Variants in EFHC1 observed in about 807,000 individuals in gnomAD.
EFHC1 encodes EF-hand domain-containing protein 1.
In EFHC1, 53 loss-of-function variants were observed where a neutral mutation model predicts 69.9. The observed-to-expected ratio is 0.76, with a 90% CI of 0.61 to 0.95. The LOEUF (loss-of-function observed/expected upper bound fraction) is 0.95. Among genes scored for constraint, EFHC1 ranks in the 40% least tolerant of loss-of-function variants. The pLI is 0.00. For missense variants in EFHC1, 739 were observed against 798.7 expected (o/e 0.93, Z 0.90); for synonymous variants, 256 against 278.4 (o/e 0.92, Z 0.80).
Position 52,452,697 on chromosome 6 carries a change from G to A in EFHC1, c.583G>A (p.Glu195Lys), listed in dbSNP as rs770971528. The part of the protein sequence containing the change: ...DCDQFTQVFL[E>K]SQGIELNPPE... Reference sequence around the variant, plus strand: ...ACTTTCAATTATTTAGGTATTTTTAGAAAGCCAAGGAATTGAGTTAAATCC... The same window carrying A: ...ACTTTCAATTATTTAGGTATTTTTAAAAAGCCAAGGAATTGAGTTAAATCC... Residue 195 changes from glutamate to lysine, a missense_variant, in exon 4 of 11, where the codon GAA (glutamate) becomes AAA (lysine). Transcript: ENST00000371068. 6.2e-7 allele frequency: 1 copy of A among 1,614,108 alleles called. No homozygotes were observed. The highest frequency in any genetic ancestry group is 8.5e-7 in the Non-Finnish European group (1 of 1,179,996).
At chr6:52,447,078 C>T (rs1245863735) in intron 3 of EFHC1, among the ~76,000 whole-genome samples, 1 of 152,142 alleles carries the variant, frequency 6.6e-6, no homozygotes. Flanking sequence ...TTGTGGCATT[C>T]TCTGTATTTC....
intron 1 of EFHC1, among the ~76,000 whole-genome samples, chr6:52,422,469 T>A (rs1190298368): frequency 1.3e-5 from 2 of 152,220 alleles, no homozygotes; most frequent in African/African-American, 4.8e-5. Flanking sequence ...TTTGTTTTTA[T>A]GGGTTATATA....
In EFHC1 at chr6:52,438,285, C is replaced by T. The variant is rs779297876; in HGVS notation, c.286-19C>T. The T allele has an allele frequency of 1.2e-6, 2 of 1,608,200 alleles. No individual in the cohort carries two copies. Among genetic ancestry groups the T allele is most frequent in the East Asian group, 2.2e-5 (1 of 44,810 alleles). On this transcript the variant is annotated intron_variant, in intron 2 of 10. Coordinates refer to ENST00000371068, the MANE Select transcript of EFHC1 (RefSeq NM_018100.4). Reference sequence around the variant, plus strand: ...ACAAGCTAATAGTACACCATTTCTCCTTTCCTTGTATGTTATAGGTACTGA... The same window carrying T: ...ACAAGCTAATAGTACACCATTTCTCTTTTCCTTGTATGTTATAGGTACTGA...
At chr6:52,442,560 C>T (rs1309048261) in intron 3 of EFHC1, among the ~76,000 whole-genome samples, 1 of 151,898 alleles carries the variant, frequency 6.6e-6, no homozygotes, top group Non-Finnish European at 1.5e-5. Context: ...GTTTTCTGTC[C>T]TTGCGATAGT....
intron 5 of EFHC1, among the ~76,000 whole-genome samples, chr6:52,459,287 G>A (rs1224849777): frequency 6.6e-6 from 1 of 152,174 alleles, no homozygotes; most frequent in Non-Finnish European, 1.5e-5. Flanking sequence ...GAAAGGAAAA[G>A]CTAAAGATTG....
chr6:52,444,909 T>C (rs1285258040), intron 3 of EFHC1, among the ~76,000 whole-genome samples: 1 of 152,148 alleles, frequency 6.6e-6, no homozygotes, highest in Non-Finnish European at 1.5e-5. Context: ...GGTGTGAATC[T>C]GTCTGGTCCT....
In EFHC1 at chr6:52,480,048, C is replaced by G. The variant is rs1048390162; in HGVS notation, c.1640+261C>G. On this transcript the variant is annotated intron_variant, in intron 9 of 10. Transcript: ENST00000371068. ...CAGCCTCCCTCCACAGCTGAAAATTCATGTATAACTTTTGACACCCCAAAA... is the reference window on the plus strand; with the variant it reads ...CAGCCTCCCTCCACAGCTGAAAATTGATGTATAACTTTTGACACCCCAAAA... 57 of 620,410 alleles carry G rather than the reference C, an allele frequency of 9.2e-5. No homozygotes were observed. In the Admixed American group the frequency reaches 1.5e-3, roughly 16 times the overall value. 38.4% of individuals were successfully genotyped at this position (620,410 alleles called of 1,614,324 possible).
rs537910590 is a variant in EFHC1 at position 52,442,727 on chromosome 6, G to A, written c.573+4136G>A. 5.1e-3 allele frequency among the ~76,000 whole-genome samples: 776 copies of A among 152,232 alleles called. 8 individuals are homozygous for A. The highest frequency in any genetic ancestry group is 0.017 in the African/African-American group (721 of 41,528). ...ACATTTGGGTTGGTTCCAAGTCTTTGCTATTGTGAATAGTGCCGCAATAAA... is the reference window on the plus strand; with the variant it reads ...ACATTTGGGTTGGTTCCAAGTCTTTACTATTGTGAATAGTGCCGCAATAAA... On this transcript the variant is annotated intron_variant, in intron 3 of 10. Transcript: ENST00000371068.
At chr6:52,426,946 A>AT (rs1764314564) in intron 2 of EFHC1, among the ~76,000 whole-genome samples, 2 of 152,040 alleles carry the variant, frequency 1.3e-5, no homozygotes, top group African/African-American at 4.8e-5. Context: ...TGATTATGTC[A>AT]TTTTTCTGGG....
In EFHC1 at chr6:52,479,192, A is replaced by C; in HGVS notation, c.1434A>C (p.Thr478=). Reference sequence around the variant, plus strand: ...CTAAAGTTGTTAAACCATACTCTACAGTGGACAACCCTGTCTACTATGGCC... The same window carrying C: ...CTAAAGTTGTTAAACCATACTCTACCGTGGACAACCCTGTCTACTATGGCC... ...GRTKVVKPYS[T]VDNPVYYGPS... The change falls in exon 8 of 11, where the codon ACA becomes ACC. Residue 478 remains threonine, a synonymous_variant. Coordinates refer to ENST00000371068, the MANE Select transcript of EFHC1 (RefSeq NM_018100.4). The C allele has an allele frequency of 6.2e-7, 1 of 1,614,130 alleles. No individual in the cohort carries two copies. Among genetic ancestry groups the C allele is most frequent in the Non-Finnish European group, 8.5e-7 (1 of 1,180,008 alleles).
chr6:52,486,996 G>A (rs1159034021), intron 9 of EFHC1: 1 of 152,006 alleles, frequency 6.6e-6, no homozygotes, highest in Admixed American at 6.6e-5. Flanking sequence ...TCATAATCTA[G>A]AGCAAGGGTT....
At chr6:52,483,257 T>C (rs867239505) in intron 9 of EFHC1, 5 of 160,474 alleles carry the variant, frequency 3.1e-5, no homozygotes, top group African/African-American at 1.2e-4. Flanking sequence ...TACTAAATGG[T>C]GGTAATCGAA....
intron 10 of EFHC1, chr6:52,490,666 G>A (rs1161546776): frequency 1.6e-5 from 9 of 554,442 alleles, no homozygotes; most frequent in Admixed American, 3.2e-5. Flanking sequence ...GAGACTCAAA[G>A]ATAAGTTGAT....
chr6:52,475,119 G>GA (rs1427841317), intron 7 of EFHC1, among the ~76,000 whole-genome samples: 1 of 151,816 alleles, frequency 6.6e-6, no homozygotes, highest in African/African-American at 2.4e-5. Context: ...ATGTGGGCAG[G>GA]AAAAAAGAGG....
chr6:52,442,806 T>A (rs906375092), intron 3 of EFHC1, among the ~76,000 whole-genome samples: 12 of 152,254 alleles, frequency 7.9e-5, no homozygotes, highest in Non-Finnish European at 1.3e-4. Flanking sequence ...TTTGGGTATA[T>A]GCCCAGTAAT....
intron 7 of EFHC1, among the ~76,000 whole-genome samples, chr6:52,474,910 C>T (rs1020280708): frequency 3.3e-5 from 5 of 151,942 alleles, no homozygotes; most frequent in African/African-American, 1.2e-4. Flanking sequence ...GAGGTTCTGG[C>T]AGCGTTCTGT....
intron 2 of EFHC1, among the ~76,000 whole-genome samples, chr6:52,424,759 G>A (rs1764268016): frequency 6.6e-6 from 1 of 151,800 alleles, no homozygotes; most frequent in African/African-American, 2.4e-5. Flanking sequence ...GTTTTTCCTT[G>A]TCAATGAGCC....
rs570318634 is a variant in EFHC1 at position 52,494,553 on chromosome 6, G to A, written c.*2212G>A. 22 of 454,094 alleles carry A rather than the reference G, an allele frequency of 4.8e-5. No homozygotes were observed. The highest frequency in any genetic ancestry group is 3.0e-4 in the African/African-American group (15 of 50,122). The allele number at this position is 454,094 out of a possible 1,614,324, so 28.1% of individuals were successfully genotyped here. On this transcript the variant is annotated 3_prime_UTR_variant, in exon 11 of 11. Transcript: ENST00000371068. ...GGGCCAGGTCTGAGTGACATGTGCC[G>A]AAAGGCTGACTCTTTCTCCCAGAGC... is the stretch of plus-strand genomic sequence containing the variant.
chr6:52,437,024 A>G (rs760144897), intron 2 of EFHC1, among the ~76,000 whole-genome samples: 5 of 152,164 alleles, frequency 3.3e-5, no homozygotes, highest in Non-Finnish European at 4.4e-5. Flanking sequence ...CAGAGGACCA[A>G]TGGTTTGCTC....
Sources: gnomAD v4.1 joint callset for allele counts (sites outside exome capture counted in the v4.1 genomes callset) on GRCh38, gnomAD v4.1.1 for gene constraint, MANE v1.5 for transcripts, NCBI Gene and HGNC (gene_info 2026-07-23, HGNC 2026-07-21) for gene names.